The following CD2AP variants were observed in gnomAD, a reference collection of about 807,000 sequenced individuals.
The protein encoded by CD2AP is CD2 associated protein.
In CD2AP, 46 loss-of-function variants were observed where a neutral mutation model predicts 85.1. The ratio of observed to expected loss-of-function variants is 0.54; its 90% CI spans 0.43 to 0.69. The LOEUF is 0.69. Ranked by LOEUF, CD2AP falls within the 30% of genes least tolerant of loss-of-function variation. CD2AP has a pLI of 0.00. For missense variants in CD2AP, 769 were observed against 729.5 expected, an observed-to-expected ratio of 1.05 and a Z score of -0.62; for synonymous variants, 255 against 252.9, an observed-to-expected ratio of 1.01 and a Z score of -0.08.
chr6:47,547,945 CAAGATGGAAATT>C (rs2114051276), intron 4 of CD2AP, among the ~76,000 whole-genome samples: 1 of 152,184 alleles, frequency 6.6e-6, no homozygotes, highest in African/African-American at 2.4e-5. Flanking sequence ...GAAATGAAAT[CAAGATGGAAATT>C]AAAAAATTCT....
In CD2AP at chr6:47,511,043, A is replaced by G. The variant is rs189077994; in HGVS notation, c.165+7603A>G. ...AGCTGAGATCGCGCCACTGCACCCC[A>G]GCCTGGTGACAGAGTGAGACTCTGT... On this transcript the variant is annotated intron_variant, in intron 2 of 17. Coordinates refer to ENST00000359314, the MANE Select transcript of CD2AP (RefSeq NM_012120.3). Among the ~76,000 whole-genome samples, 141 of 130,936 alleles carry G rather than the reference A, an allele frequency of 1.1e-3. No individual in the cohort carries two copies. In the South Asian group the frequency reaches 0.014, roughly 13 times the overall value. 85.9% of individuals were successfully genotyped at this position (130,936 alleles called of 152,430 possible).
chr6:47,501,723 G>A (rs1304984314), intron 1 of CD2AP, among the ~76,000 whole-genome samples: 1 of 151,912 alleles, frequency 6.6e-6, no homozygotes, highest in Non-Finnish European at 1.5e-5. Context: ...AAGAAAAGAT[G>A]AATGGGGATA....
chr6:47,525,694 G>A (rs897607665), intron 2 of CD2AP, among the ~76,000 whole-genome samples: 93 of 152,098 alleles, frequency 6.1e-4, no homozygotes, highest in Non-Finnish European at 2.9e-5. Flanking sequence ...TAGATGAAGA[G>A]TAGATATACC....
At chr6:47,615,988 T>A (rs963387511) in intron 17 of CD2AP, among the ~76,000 whole-genome samples, 16 of 150,590 alleles carry the variant, frequency 1.1e-4, no homozygotes, top group Non-Finnish European at 1.8e-4. Context: ...TTTCACTGTG[T>A]TAGCCAGGGT....
rs539471431 is a variant in CD2AP at position 47,533,733 on chromosome 6, A to G, written c.297A>G (p.Pro99=). 1.3e-4 allele frequency: 205 copies of G among 1,614,132 alleles called. No individual in the cohort carries two copies. In the South Asian group the frequency reaches 2.2e-3, roughly 17 times the overall value. The change falls in exon 3 of 18, where the codon CCA becomes CCG. Residue 99 remains proline, a synonymous_variant. Coordinates refer to ENST00000359314, the MANE Select transcript of CD2AP (RefSeq NM_012120.3). The part of the protein sequence containing the change: ...GLPAGGIQPH[P]QTKNIKKKTK... ...CAGCTGGAGGAATTCAGCCACATCC[A>G]CAAACCAAAAACATTAAGAAGAGTA...
chr6:47,498,101 C>T (rs1271352950), intron 1 of CD2AP, among the ~76,000 whole-genome samples: 3 of 151,316 alleles, frequency 2.0e-5, no homozygotes, highest in African/African-American at 7.3e-5. Flanking sequence ...TCATGTCTTC[C>T]TCTGTTTTGG....
At chr6:47,596,579 C>T (rs941070414) in intron 12 of CD2AP, among the ~76,000 whole-genome samples, 3 of 152,082 alleles carry the variant, frequency 2.0e-5, no homozygotes, top group African/African-American at 7.2e-5. Context: ...GATGATGTTG[C>T]AAATGGCAGG....
intron 1 of CD2AP, among the ~76,000 whole-genome samples, chr6:47,481,951 G>C (rs1416709596): frequency 6.6e-6 from 1 of 151,902 alleles, no homozygotes; most frequent in Non-Finnish European, 1.5e-5. Flanking sequence ...TGTAGATACA[G>C]GCTCTCCCTG....
chr6:47,587,367 T>A (rs1404916791), intron 11 of CD2AP, among the ~76,000 whole-genome samples: 4 of 152,176 alleles, frequency 2.6e-5, no homozygotes, highest in Admixed American at 1.3e-4. Flanking sequence ...TATTTTGGAC[T>A]CTTAAGTGAT....
At chr6:47,589,449 A>T (rs201892841) in intron 11 of CD2AP, among the ~76,000 whole-genome samples, 2 of 147,342 alleles carry the variant, frequency 1.4e-5, no homozygotes, top group East Asian at 4.0e-4. Flanking sequence ...CACACACACA[A>T]ATATATATAC....
intron 11 of CD2AP, among the ~76,000 whole-genome samples, chr6:47,589,783 A>G (rs867186562): frequency 8.6e-5 from 13 of 151,992 alleles, no homozygotes; most frequent in South Asian, 4.2e-4. Flanking sequence ...GGAGACAAAA[A>G]TTAGAGTTCA....
At chr6:47,621,255 G>C (rs571689217) in intron 17 of CD2AP, among the ~76,000 whole-genome samples, 7 of 152,144 alleles carry the variant, frequency 4.6e-5, no homozygotes, top group African/African-American at 1.7e-4. Context: ...AATCATAAAG[G>C]GATGCTGGAT....
intron 1 of CD2AP, among the ~76,000 whole-genome samples, chr6:47,491,259 ATG>A (rs1222127720): frequency 1.7e-5 from 2 of 120,778 alleles, no homozygotes; most frequent in Admixed American, 1.8e-4. Flanking sequence ...TCTTCCTGAT[ATG>A]TGTGTGTGTA....
rs895903361 is a variant in CD2AP, at chr6:47,626,190, C to G, written c.*1963C>G. ...CTCAATAGTACATGAAATCAAGATG[C>G]TTATGAGCATGGAAATGTATTTAAA... On this transcript the variant is annotated 3_prime_UTR_variant, in exon 18 of 18. Transcript: ENST00000359314. 1 of 151,826 alleles carries G rather than the reference C, an allele frequency of 6.6e-6. No individual in the cohort carries two copies. The highest frequency in any genetic ancestry group is 1.5e-5 in the Non-Finnish European group (1 of 67,808). 9.4% of individuals were successfully genotyped at this position (151,826 alleles called of 1,614,324 possible).
intron 1 of CD2AP, among the ~76,000 whole-genome samples, chr6:47,498,963 T>C (rs1225235807): frequency 6.6e-6 from 1 of 152,338 alleles, no homozygotes; most frequent in Non-Finnish European, 1.5e-5. Flanking sequence ...TATGGACTCA[T>C]GGCTTATTTT....
At chr6:47,605,631 T>TAC (rs1274423611) in intron 13 of CD2AP, among the ~76,000 whole-genome samples, 3 of 151,998 alleles carry the variant, frequency 2.0e-5, no homozygotes, top group Non-Finnish European at 2.9e-5. Context: ...CACATATATA[T>TAC]ACACATAAAG....
At chr6:47,521,982 T>C (rs1766609688) in intron 2 of CD2AP, among the ~76,000 whole-genome samples, 4 of 151,482 alleles carry the variant, frequency 2.6e-5, no homozygotes. Flanking sequence ...GCCATTGCAC[T>C]CTAGCCTGGG....
At chr6:47,520,322 A>C (rs753784019) in intron 2 of CD2AP, among the ~76,000 whole-genome samples, 10 of 152,232 alleles carry the variant, frequency 6.6e-5, no homozygotes, top group Non-Finnish European at 1.2e-4. Flanking sequence ...ATCTAAATAT[A>C]AGCTTTATTT....
At chr6:47,487,850 G>A (rs1233886264) in intron 1 of CD2AP, among the ~76,000 whole-genome samples, 1 of 152,042 alleles carries the variant, frequency 6.6e-6, no homozygotes, top group Non-Finnish European at 1.5e-5. Context: ...CAGAAAATTA[G>A]GAGCCTGCTA....
Sources: gnomAD v4.1 joint callset for allele counts (sites outside exome capture counted in the v4.1 genomes callset) on GRCh38, gnomAD v4.1.1 for gene constraint, MANE v1.5 for transcripts, NCBI Gene and HGNC (gene_info 2026-07-23, HGNC 2026-07-21) for gene names.